Variants in LNX1 observed in about 807,000 individuals in gnomAD.
The protein encoded by LNX1 is ligand of numb-protein X 1, also known as E3 ubiquitin-protein ligase LNX.
LNX1 carries 54 observed loss-of-function variants against 68.4 expected under a neutral mutation model. That is an observed-to-expected ratio of 0.79 (90% CI 0.63 to 0.99). The LOEUF (loss-of-function observed/expected upper bound fraction) is 0.99. Ranked by LOEUF, LNX1 falls within the 50% of genes least tolerant of loss-of-function variation. The pLI is 0.00. For synonymous variants in LNX1, 336 were observed against 350.0 expected (o/e 0.96, Z 0.45); for missense variants, 906 against 926.4 (o/e 0.98, Z 0.29).
Position 53,576,409 on chromosome 4 carries a change from T to C in LNX1, c.-86-2321A>G, listed in dbSNP as rs909282973. ...CTGACCCCTCACATGACCAGTCCTA[T>C]TCAGGTCAGGCTTGGACAGGCACCT... is the stretch of plus-strand genomic sequence containing the variant. On this transcript the variant is annotated intron_variant, in intron 1 of 10. Coordinates refer to ENST00000263925, the MANE Select transcript of LNX1 (RefSeq NM_001126328.3). 4.6e-6 allele frequency: 7 copies of C among 1,524,422 alleles called. No individual in the cohort carries two copies. The African/African-American group carries it at 9.6e-5, about 21-fold the overall frequency. 94.4% of individuals were successfully genotyped at this position (1,524,422 alleles called of 1,614,324 possible).
intron 2 of LNX1, among the ~76,000 whole-genome samples, chr4:53,547,900 C>T (rs1466901001): frequency 6.8e-6 from 1 of 146,838 alleles, no homozygotes; most frequent in Non-Finnish European, 1.5e-5. Context: ...CATGCATGTG[C>T]CTTTCCAAGA....
chr4:53,478,872 T>C, intron 7 of LNX1, 130 bp from the exon 8 acceptor site: 1 of 836,130 alleles, frequency 1.2e-6, no homozygotes, highest in South Asian at 1.8e-5. Flanking sequence ...TTATGCAAAG[T>C]GCATAAATAC....
intron 2 of LNX1, among the ~76,000 whole-genome samples, chr4:53,514,023 G>A (rs1479865933): frequency 1.3e-5 from 2 of 152,154 alleles, no homozygotes; most frequent in Non-Finnish European, 1.5e-5. Flanking sequence ...TGCCCCTGCT[G>A]CCTCAGATAT....
chr4:53,623,932 G>T (rs1299474927), intron 1 of LNX1, among the ~76,000 whole-genome samples: 1 of 152,170 alleles, frequency 6.6e-6, no homozygotes, highest in Non-Finnish European at 1.5e-5. Context: ...CTTTTAGCTT[G>T]AATACAAACT....
At chr4:53,557,656 C>T (rs772671012) in intron 2 of LNX1, among the ~76,000 whole-genome samples, 5 of 151,332 alleles carry the variant, frequency 3.3e-5, no homozygotes, top group Non-Finnish European at 7.4e-5. Flanking sequence ...AAAAAAATGC[C>T]TTATTGAGAA....
Position 53,573,553 on chromosome 4 carries a change from C to T in LNX1, c.380+70G>A, listed in dbSNP as rs556265605. 3 of 1,036,802 alleles carry T rather than the reference C, an allele frequency of 2.9e-6. No individual in the cohort carries two copies. The African/African-American group carries it at 4.7e-5, about 16-fold the overall frequency. The allele number at this position is 1,036,802 out of a possible 1,614,324, so 64.2% of individuals were successfully genotyped here. A position where few individuals can be genotyped will look rare whatever the true frequency, so the allele number is the denominator to read the frequency against. The stretch of plus-strand genomic sequence containing the variant: ...TCATTGGTTGGAAGCCCTCAGGAGA[C>T]TGGGGGGTGGAGGGGTCCAGCTGTC... On this transcript the variant is annotated intron_variant, in intron 2 of 10. Transcript: ENST00000263925.
chr4:53,530,734 A>G (rs1198538394), intron 2 of LNX1, among the ~76,000 whole-genome samples: 10 of 152,214 alleles, frequency 6.6e-5, no homozygotes, highest in Admixed American at 5.2e-4. Flanking sequence ...TTCATTGACT[A>G]TGGCATGCCA....
At position 53,597,727 on chromosome 4, in the gene LNX1, C is replaced by T. The variant is rs1451285202; in HGVS notation, c.-214-6212G>A. ...GCCTTCTAGCTTTGTTTCCCTTGTT[C>T]TAACCTTGTTCTCCAATTTAGCCAT... On this transcript the variant is annotated intron_variant, in intron 2 of 3. Coordinates refer to the LNX1 transcript ENST00000504299. 2.0e-5 allele frequency among the ~76,000 whole-genome samples: 3 copies of T among 152,196 alleles called. No individual in the cohort carries two copies. In the East Asian group the frequency reaches 5.8e-4, roughly 29 times the overall value.
At position 53,591,423 on chromosome 4, in the gene LNX1, A is replaced by AGCAG; in HGVS notation, c.-126_-123dup. ...GACTGTCTGGGGCTCTCCAAGCAGC[A>AGCAG]GCAGGCAGGCAGCTCTCATTCCTTG... On this transcript the variant is annotated 5_prime_UTR_variant, in exon 1 of 11. The change abolishes the stop of an existing upstream ORF in the 5' untranslated region. Coordinates refer to ENST00000263925, the MANE Select transcript of LNX1 (RefSeq NM_001126328.3). The AGCAG allele has an allele frequency of 1.0e-6, 1 of 985,820 alleles. No individual in the cohort carries two copies. Among genetic ancestry groups the AGCAG allele is most frequent in the South Asian group, 4.7e-5 (1 of 21,300 alleles). The allele number at this position is 985,820 out of a possible 1,614,324, so 61.1% of individuals were successfully genotyped here. A position where few individuals can be genotyped will look rare whatever the true frequency, so the allele number is the denominator to read the frequency against.
chr4:53,486,082 A>T (rs557909906), intron 6 of LNX1, among the ~76,000 whole-genome samples: 2 of 152,272 alleles, frequency 1.3e-5, no homozygotes, highest in South Asian at 4.1e-4. Flanking sequence ...CTAGATTGTG[A>T]TCTAGGCAAA....
At chr4:53,569,234 G>C (rs1730952860) in intron 2 of LNX1, among the ~76,000 whole-genome samples, 1 of 151,992 alleles carries the variant, frequency 6.6e-6, no homozygotes, top group Non-Finnish European at 1.5e-5. Flanking sequence ...AACAAAGCTG[G>C]AGGCATCACA....
At chr4:53,565,245 C>T (rs891185083) in intron 2 of LNX1, among the ~76,000 whole-genome samples, 3 of 152,000 alleles carry the variant, frequency 2.0e-5, no homozygotes, top group Non-Finnish European at 4.4e-5. Context: ...CTTAAGTGTC[C>T]CTGTCTGACA....
chr4:53,482,672 A>G (rs879637994), intron 6 of LNX1, among the ~76,000 whole-genome samples: 1 of 152,212 alleles, frequency 6.6e-6, no homozygotes, highest in Admixed American at 6.5e-5. Context: ...GCAGAGGCAG[A>G]GTAATATAAT....
intron 2 of LNX1, among the ~76,000 whole-genome samples, chr4:53,561,600 C>A (rs1441663963): frequency 5.9e-5 from 9 of 152,254 alleles, no homozygotes; most frequent in Non-Finnish European, 1.2e-4. Context: ...GAACACACTA[C>A]CCTGGATGGA....
chr4:53,505,650 G>C (rs1452786277), intron 4 of LNX1, among the ~76,000 whole-genome samples: 3 of 152,224 alleles, frequency 2.0e-5, no homozygotes, highest in Non-Finnish European at 4.4e-5. Context: ...TTTAGCCATT[G>C]CACAGACATT....
intron 2 of LNX1, among the ~76,000 whole-genome samples, chr4:53,562,210 C>T (rs1238505009): frequency 1.3e-5 from 2 of 152,192 alleles, no homozygotes; most frequent in East Asian, 3.9e-4. Flanking sequence ...CACACCTTCT[C>T]ATTGAAAGTC....
chr4:53,530,086 TC>T (rs1173519818), intron 2 of LNX1, among the ~76,000 whole-genome samples: 2 of 152,236 alleles, frequency 1.3e-5, no homozygotes, highest in Non-Finnish European at 2.9e-5. Context: ...CAAAAAGTGT[TC>T]TAAAGCTATT....
chr4:53,521,586 C>T (rs1482465533), intron 2 of LNX1, among the ~76,000 whole-genome samples: 8 of 152,120 alleles, frequency 5.3e-5, no homozygotes, highest in Admixed American at 4.6e-4. Context: ...TTTTTCCAGC[C>T]AGTTTCTGTA....
At chr4:53,617,660 A>G (rs1022888077), upstream of LNX1, among the ~76,000 whole-genome samples, 2 of 152,198 alleles carry the variant, frequency 1.3e-5, no homozygotes, top group African/African-American at 2.4e-5. Context: ...CACATCATCT[A>G]TGTGTGCACT....
Sources: allele counts gnomAD v4.1 joint callset (sites outside exome capture counted in the v4.1 genomes callset), GRCh38; gene constraint gnomAD v4.1.1; transcripts MANE v1.5; gene names NCBI Gene and HGNC (gene_info 2026-07-23, HGNC 2026-07-21).